Variants in FRMD6 observed in about 807,000 individuals in gnomAD.
FRMD6 encodes FERM domain containing 6.
Under a neutral mutation model 73.2 loss-of-function variants are expected in FRMD6, and 37 were observed. The observed-to-expected ratio is 0.51, with a 90% CI of 0.39 to 0.66. The LOEUF (loss-of-function observed/expected upper bound fraction) is 0.66, where lower values mean the gene tolerates loss of function less well. Ranked by LOEUF, FRMD6 falls within the 30% of genes least tolerant of loss-of-function variation. The pLI, the probability that FRMD6 is intolerant of heterozygous loss-of-function variation, is 0.00. For missense variants in FRMD6, 714 were observed against 780.5 expected, an observed-to-expected ratio of 0.91 and a Z score of 1.02; for synonymous variants, 273 against 282.2, an observed-to-expected ratio of 0.97 and a Z score of 0.33.
intron 2 of FRMD6, among the ~76,000 whole-genome samples, chr14:51,691,019 C>G (rs1895526971): frequency 6.6e-6 from 1 of 152,140 alleles, no homozygotes; most frequent in Non-Finnish European, 1.5e-5. Flanking sequence ...GTGACCCCTC[C>G]TAGTCAATAT....
rs191597475 is a variant in FRMD6 at position 51,597,981 on chromosome 14, A to C, written c.-147+27571A>C. ...GCAGACGGCTGCCCCCCAACCATCC[A>C]TTTTTGCTGTTAATATGAATATGGA... On this transcript the variant is annotated intron_variant, in intron 2 of 14. Transcript: ENST00000356218. Among the ~76,000 whole-genome samples the C allele has an allele frequency of 2.1e-3, 325 of 152,234 alleles. 1 individual carries two copies. Among genetic ancestry groups the C allele is most frequent in the Non-Finnish European group, 4.1e-3 (276 of 67,998 alleles).
intron 2 of FRMD6, among the ~76,000 whole-genome samples, chr14:51,587,253 A>C (rs1042827049): frequency 5.9e-5 from 9 of 152,056 alleles, no homozygotes; most frequent in Non-Finnish European, 1.3e-4. Flanking sequence ...CCATTGATCT[A>C]TGTGTCTATT....
rs1478392782 is a variant in FRMD6 at position 51,663,711 on chromosome 14, T to C, written c.-147+11715T>C. ...AACCCCCATGACACAAGTTTATCTA[T>C]ATAACAAACCTGTACTCATACCCTT... On this transcript the variant is annotated intron_variant, in intron 1 of 13. Coordinates refer to ENST00000344768, the MANE Select transcript of FRMD6 (RefSeq NM_001267046.2). Among the ~76,000 whole-genome samples the C allele has an allele frequency of 2.6e-5, 4 of 152,294 alleles. No individual in the cohort carries two copies. In the East Asian group the frequency reaches 7.7e-4, roughly 29 times the overall value.
the FRMD6 span, chr14:51,436,853 G>A: frequency 3.0e-6 from 2 of 668,520 alleles, no homozygotes; most frequent in Admixed American, 2.4e-5. Context: ...TGATGAAGAA[G>A]AGGAGAAAGG....
chr14:51,618,009 C>T (rs1890780274), intron 2 of FRMD6, among the ~76,000 whole-genome samples: 1 of 152,048 alleles, frequency 6.6e-6, no homozygotes, highest in Non-Finnish European at 1.5e-5. Flanking sequence ...GTGATATCTG[C>T]CCTCATGGAG....
chr14:51,521,319 G>T (rs928924134), intron 1 of FRMD6, among the ~76,000 whole-genome samples: 4 of 151,984 alleles, frequency 2.6e-5, no homozygotes, highest in African/African-American at 9.7e-5. Flanking sequence ...AGTAAAACTC[G>T]ACATCAAAAC....
intron 1 of FRMD6, among the ~76,000 whole-genome samples, chr14:51,538,771 G>A (rs1289680123): frequency 6.6e-6 from 1 of 152,136 alleles, no homozygotes; most frequent in Non-Finnish European, 1.5e-5. Context: ...TATCTTCACA[G>A]CAGTACCACA....
chr14:51,496,501 A>G (rs1472209044), intron 1 of FRMD6, among the ~76,000 whole-genome samples: 1 of 152,070 alleles, frequency 6.6e-6, no homozygotes, highest in African/African-American at 2.4e-5. Flanking sequence ...TGGGACTCTA[A>G]CTTCTGTGAT....
intron 2 of FRMD6, among the ~76,000 whole-genome samples, chr14:51,584,767 C>T (rs1202101100): frequency 6.6e-6 from 1 of 152,152 alleles, no homozygotes; most frequent in Non-Finnish European, 1.5e-5. Context: ...CAGCTTCATA[C>T]GTGTCCACTT....
chr14:51,436,737 T>C, the FRMD6 span: 2 of 540,306 alleles, frequency 3.7e-6, no homozygotes, highest in Non-Finnish European at 6.8e-6. Flanking sequence ...TACTACTTGG[T>C]TTCCGATATG....
chr14:51,430,259 G>A, the FRMD6 span, among the ~76,000 whole-genome samples: 2 of 152,096 alleles, frequency 1.3e-5, no homozygotes, highest in African/African-American at 2.4e-5. Flanking sequence ...CCACCTCAAC[G>A]TTAAAAGCCG....
the FRMD6 span, among the ~76,000 whole-genome samples, chr14:51,465,548 A>T: frequency 6.6e-6 from 1 of 152,252 alleles, no homozygotes; most frequent in African/African-American, 2.4e-5. Context: ...CATAGTCATC[A>T]TGCTCAGTTA....
intron 1 of FRMD6, among the ~76,000 whole-genome samples, chr14:51,518,207 C>G (rs1272376320): frequency 6.6e-6 from 1 of 152,122 alleles, no homozygotes; most frequent in African/African-American, 2.4e-5. Flanking sequence ...TAATATGAAT[C>G]AAAGTGTACC....
chr14:51,423,788 T>C, the FRMD6 span, among the ~76,000 whole-genome samples: 1 of 152,216 alleles, frequency 6.6e-6, no homozygotes, highest in African/African-American at 2.4e-5. Context: ...TCCCCCCTTT[T>C]CATCCTTACT....
chr14:51,698,226 A>T lies in FRMD6; in HGVS notation c.184A>T (p.Ile62Leu), dbSNP rs1200273889. Residue 62 changes from isoleucine (I) to leucine (L), a missense_variant, in exon 3 of 14, where the codon ATA becomes TTA. Coordinates refer to ENST00000344768, the MANE Select transcript of FRMD6 (RefSeq NM_001267046.2). Reference protein sequence around the residue: ...KDCHLFGLSVIQNNEHVYMEL... With the variant: ...KDCHLFGLSVLQNNEHVYMEL... ...CTGCCACCTCTTTGGACTCAGTGTT[A>T]TACAAAGTAAGTCTTAGAGCCCTCT... The T allele has an allele frequency of 6.2e-7, 1 of 1,609,774 alleles. No homozygotes were observed. Among genetic ancestry groups the T allele is most frequent in the African/African-American group, 1.3e-5 (1 of 74,774 alleles).
the FRMD6 span, among the ~76,000 whole-genome samples, chr14:51,460,637 A>T: frequency 6.6e-6 from 1 of 152,208 alleles, no homozygotes; most frequent in African/African-American, 2.4e-5. Context: ...GGACCACCAC[A>T]TCTCAAACCA....
At chr14:51,691,212 GT>G (rs1360618612) in intron 2 of FRMD6, among the ~76,000 whole-genome samples, 4 of 152,174 alleles carry the variant, frequency 2.6e-5, no homozygotes, top group African/African-American at 9.7e-5. Context: ...ACATTGTTGT[GT>G]GATATTCCAT....
intron 1 of FRMD6, chr14:51,554,775 A>G (rs900650657): frequency 6.6e-6 from 1 of 152,244 alleles, no homozygotes; most frequent in Non-Finnish European, 1.5e-5. Flanking sequence ...TCGCATCCAA[A>G]ATGGAATCCG....
At chr14:51,555,710 G>C (rs1887088539) in intron 1 of FRMD6, among the ~76,000 whole-genome samples, 1 of 151,770 alleles carries the variant, frequency 6.6e-6, no homozygotes, top group African/African-American at 2.4e-5. Context: ...GCTGAGGCAG[G>C]AGAATCGCTT....
Sources: allele counts gnomAD v4.1 joint callset (sites outside exome capture counted in the v4.1 genomes callset), GRCh38; gene constraint gnomAD v4.1.1; transcripts MANE v1.5; gene names NCBI Gene and HGNC (gene_info 2026-07-23, HGNC 2026-07-21).